The following TLK2 variants were observed in gnomAD, a reference collection of about 807,000 sequenced individuals.
The protein encoded by TLK2 is tousled like kinase 2, also known as serine/threonine-protein kinase tousled-like 2.
A neutral mutation model predicts 117.3 loss-of-function variants in TLK2; 6 were observed. The observed-to-expected ratio is 0.05, with a 90% CI of 0.03 to 0.10. TLK2 has a LOEUF of 0.10. Ranked by LOEUF, TLK2 falls within the 10% of genes least tolerant of loss-of-function variation. The pLI is 1.00. For missense variants in TLK2, 299 were observed against 901.2 expected (o/e 0.33, Z 8.56); for synonymous variants, 257 against 316.7 (o/e 0.81, Z 2.00).
intron 20 of TLK2, among the ~76,000 whole-genome samples, 165 bp from the exon 21 acceptor site, chr17:62,607,876 C>A (rs982518019): frequency 1.3e-5 from 2 of 152,158 alleles, no homozygotes; most frequent in Non-Finnish European, 2.9e-5. Flanking sequence ...GCTCTCAACC[C>A]CTTTTATCTA....
chr17:62,612,285 T>G, intron 21 of TLK2, 107 bp from the exon 22 acceptor site: 1 of 1,249,036 alleles, frequency 8.0e-7, no homozygotes, highest in South Asian at 1.5e-5. Context: ...CCCCTTCTCT[T>G]TAGTTGATAT....
chr17:62,514,284 T>C (rs2075386984), intron 2 of TLK2, among the ~76,000 whole-genome samples: 1 of 151,514 alleles, frequency 6.6e-6, no homozygotes, highest in Non-Finnish European at 1.5e-5. Flanking sequence ...GCTGGGACTA[T>C]AGGTGTGTGC....
chr17:62,607,855 A>G (rs12952022), intron 20 of TLK2, among the ~76,000 whole-genome samples, 186 bp from the exon 21 acceptor site: 1,943 of 152,300 alleles, frequency 0.013, 23 homozygotes, highest in Non-Finnish European at 0.023. Flanking sequence ...AGCAAGTTAC[A>G]TATGCTCTGA....
intron 7 of TLK2, among the ~76,000 whole-genome samples, chr17:62,538,409 G>A (rs904603519): frequency 3.9e-5 from 6 of 152,034 alleles, no homozygotes; most frequent in African/African-American, 1.5e-4. Flanking sequence ...TTGTCTTTTG[G>A]TCATTTTTAA....
intron 2 of TLK2, among the ~76,000 whole-genome samples, chr17:62,497,959 G>A (rs2073858250): frequency 6.6e-6 from 1 of 152,170 alleles, no homozygotes; most frequent in Admixed American, 6.5e-5. Context: ...GCCTCCCAAA[G>A]TGCTGGGATT....
intron 2 of TLK2, among the ~76,000 whole-genome samples, chr17:62,502,029 A>ATTTTTTTTTTTTTTT (rs371212708): frequency 2.2e-5 from 3 of 137,466 alleles, no homozygotes; most frequent in African/African-American, 2.7e-5. Flanking sequence ...AAAAATACCA[A>ATTTTTTTTTTTTTTT]TTTTTTTTTT....
At chr17:62,487,069 A>T (rs2072480632) in intron 2 of TLK2, among the ~76,000 whole-genome samples, 1 of 152,182 alleles carries the variant, frequency 6.6e-6, no homozygotes, top group Non-Finnish European at 1.5e-5. Flanking sequence ...CGAGGCAGGC[A>T]GATCACGAGG....
intron 2 of TLK2, among the ~76,000 whole-genome samples, chr17:62,500,701 A>G (rs1017704568): frequency 2.0e-5 from 3 of 152,242 alleles, no homozygotes; most frequent in Non-Finnish European, 2.9e-5. Context: ...AAAATAGACC[A>G]TATGCTGGGC....
At chr17:62,546,412 T>TTTCCTC (rs2077944724) in intron 7 of TLK2, among the ~76,000 whole-genome samples, 1 of 138,686 alleles carries the variant, frequency 7.2e-6, no homozygotes, top group African/African-American at 2.6e-5. Flanking sequence ...TACTGTTTCT[T>TTTCCTC]TGATTATTTC....
At chr17:62,511,459 C>T (rs563793720) in intron 2 of TLK2, among the ~76,000 whole-genome samples, 2 of 152,322 alleles carry the variant, frequency 1.3e-5, no homozygotes, top group African/African-American at 4.8e-5. Flanking sequence ...CAGCCTCTGC[C>T]TCCTGGGTTC....
intron 2 of TLK2, chr17:62,516,390 C>T: frequency 1.3e-6 from 2 of 1,585,690 alleles, no homozygotes; most frequent in Non-Finnish European, 1.7e-6. Flanking sequence ...CTGACCCAGC[C>T]CCAGCCTCGG....
At chr17:62,507,129 C>T (rs1324965935) in intron 2 of TLK2, among the ~76,000 whole-genome samples, 7 of 151,250 alleles carry the variant, frequency 4.6e-5, no homozygotes, top group Non-Finnish European at 1.5e-5. Flanking sequence ...TTTTTTTTGG[C>T]GGGGCGCGCT....
chr17:62,600,537 A>T, intron 17 of TLK2, 114 bp from the exon 18 acceptor site: 1 of 856,328 alleles, frequency 1.2e-6, no homozygotes, highest in Non-Finnish European at 1.7e-6. Flanking sequence ...TTAAGGAACA[A>T]AGAAGAAAGG....
intron 6 of TLK2, among the ~76,000 whole-genome samples, chr17:62,533,378 G>GTGTGTA (rs2076876701): frequency 6.9e-6 from 1 of 144,914 alleles, no homozygotes; most frequent in Non-Finnish European, 1.5e-5. Flanking sequence ...GTGTGTGTGT[G>GTGTGTA]TGTGTGTGTG....
chr17:62,513,318 C>CTT (rs35309536), intron 2 of TLK2, among the ~76,000 whole-genome samples: 2,800 of 99,820 alleles, frequency 0.028, 71 homozygotes, highest in Non-Finnish European at 0.034. Flanking sequence ...ATTAAATTGC[C>CTT]TTTTTTTTTT....
intron 7 of TLK2, among the ~76,000 whole-genome samples, chr17:62,549,398 C>CAAAAAA (rs777779302): frequency 1.6e-4 from 6 of 37,102 alleles, no homozygotes; most frequent in African/African-American, 5.2e-4. Context: ...GACTCCATCT[C>CAAAAAA]AAAAAAAAAA....
chr17:62,585,880 G>T, intron 15 of TLK2: 1 of 312,308 alleles, frequency 3.2e-6, no homozygotes, highest in South Asian at 7.5e-5. Context: ...GATTCTGAAG[G>T]CAGGGGCTAT....
rs1188784958 is a variant in TLK2, at chr17:62,479,989, C to T, written c.-6+699C>T. On this transcript the variant is annotated intron_variant, in intron 1 of 21. Coordinates refer to ENST00000346027, the MANE Select transcript of TLK2 (RefSeq NM_006852.6). Reference sequence around the variant, plus strand: ...TCTTTTTGTAAAGATGCATTTCAACCTTTCTGAGAATTTCCTAATTCTCTC... The same window carrying T: ...TCTTTTTGTAAAGATGCATTTCAACTTTTCTGAGAATTTCCTAATTCTCTC... 2.6e-5 allele frequency among the ~76,000 whole-genome samples: 4 copies of T among 152,182 alleles called. No homozygotes were observed. The East Asian group carries it at 7.7e-4, about 29-fold the overall frequency.
At chr17:62,520,205 C>A (rs1280833404) in intron 2 of TLK2, among the ~76,000 whole-genome samples, 1 of 152,062 alleles carries the variant, frequency 6.6e-6, no homozygotes. Context: ...GAGAGAGGGT[C>A]GTTGGATTCC....
Sources: allele counts gnomAD v4.1 joint callset (sites outside exome capture counted in the v4.1 genomes callset), GRCh38; gene constraint gnomAD v4.1.1; transcripts MANE v1.5; gene names NCBI Gene and HGNC (gene_info 2026-07-23, HGNC 2026-07-21).